The following RABGEF1 variants were observed in gnomAD, a reference collection of about 807,000 sequenced individuals.
The protein encoded by RABGEF1 is rab5 GDP/GTP exchange factor.
RABGEF1 carries 26 observed loss-of-function variants against 57.3 expected under a neutral mutation model. The observed-to-expected ratio is 0.45, with a 90% CI of 0.33 to 0.63. RABGEF1 has a LOEUF of 0.63. Among genes scored for constraint, RABGEF1 ranks in the 20% least tolerant of loss-of-function variants. RABGEF1 has a pLI of 0.02. For missense variants in RABGEF1, 464 were observed against 607.6 expected (o/e 0.76, Z 2.48); for synonymous variants, 185 against 210.7 (o/e 0.88, Z 1.06).
chr7:66,655,522 G>T, the RABGEF1 span, among the ~76,000 whole-genome samples: 3 of 152,146 alleles, frequency 2.0e-5, no homozygotes, highest in Non-Finnish European at 4.4e-5. Context: ...CCTAAACCTA[G>T]AACTGCTTTG....
chr7:66,707,085 C>T (rs773418350), intron 1 of RABGEF1, among the ~76,000 whole-genome samples: 5 of 152,064 alleles, frequency 3.3e-5, no homozygotes, highest in Non-Finnish European at 7.4e-5. Flanking sequence ...GCGCCCGGCC[C>T]GTACTGGTTA....
the RABGEF1 span, among the ~76,000 whole-genome samples, chr7:66,657,956 GAAAT>G: frequency 9.2e-5 from 14 of 152,058 alleles, no homozygotes; most frequent in Non-Finnish European, 1.9e-4. Context: ...GATTAGAGTG[GAAAT>G]AAATAAAGGA....
At chr7:66,686,470 T>G (rs1347698774) in intron 1 of RABGEF1, among the ~76,000 whole-genome samples, 1 of 152,132 alleles carries the variant, frequency 6.6e-6, no homozygotes, top group East Asian at 1.9e-4. Flanking sequence ...ATACCCTGTC[T>G]CCATAAAAAG....
chr7:66,798,205 G>A (rs962757149), intron 6 of RABGEF1, among the ~76,000 whole-genome samples: 1 of 152,166 alleles, frequency 6.6e-6, no homozygotes, highest in African/African-American at 2.4e-5. Flanking sequence ...ATCTTTCACT[G>A]GCATTGGATT....
At chr7:66,777,262 A>G (rs952874630) in intron 3 of RABGEF1, among the ~76,000 whole-genome samples, 1 of 152,200 alleles carries the variant, frequency 6.6e-6, no homozygotes. Context: ...GTATAAAATT[A>G]TCAGCTCCAA....
intron 2 of RABGEF1, among the ~76,000 whole-genome samples, chr7:66,735,259 C>T (rs1320381192): frequency 1.3e-5 from 2 of 152,142 alleles, no homozygotes; most frequent in African/African-American, 2.4e-5. Context: ...TATACATAAT[C>T]GCTCCTTTGT....
chr7:66,772,114 C>T lies in RABGEF1; in HGVS notation c.179+36C>T, dbSNP rs3735151. ...TTAACTAGGGGCGGTTGAACAGTGA[C>T]GTGACTGGATACATAGTTCTGTCAC... On this transcript the variant is annotated intron_variant, in intron 2 of 8. Coordinates refer to ENST00000284957, the MANE Select transcript of RABGEF1 (RefSeq NM_014504.3). 0.01 allele frequency: 14,366 copies of T among 1,394,716 alleles called. 437 individuals are homozygous for T. In the East Asian group the frequency reaches 0.11, roughly 10 times the overall value. 86.4% of individuals were successfully genotyped at this position (1,394,716 alleles called of 1,614,324 possible). A position where few individuals can be genotyped will look rare whatever the true frequency, so the allele number is the denominator to read the frequency against.
At chr7:66,691,073 A>G (rs1408462809) in intron 1 of RABGEF1, among the ~76,000 whole-genome samples, 1 of 152,200 alleles carries the variant, frequency 6.6e-6, no homozygotes, top group Non-Finnish European at 1.5e-5. Context: ...CCTGGACGAC[A>G]AAGCGAGCCT....
At chr7:66,775,118 T>C in intron 2 of RABGEF1, 109 bp from the exon 3 acceptor site, 1 of 1,215,778 alleles carries the variant, frequency 8.2e-7, no homozygotes, top group South Asian at 1.7e-5. Flanking sequence ...ATATTTAGTC[T>C]CTAGGTCTAA....
intron 1 of RABGEF1, among the ~76,000 whole-genome samples, chr7:66,702,368 T>C (rs1793420606): frequency 6.6e-6 from 1 of 151,702 alleles, no homozygotes; most frequent in Admixed American, 6.6e-5. Flanking sequence ...TGTGTGTGTG[T>C]GTGTGTGTGT....
chr7:66,784,643 A>G (rs1298418780), intron 4 of RABGEF1, among the ~76,000 whole-genome samples: 4 of 152,228 alleles, frequency 2.6e-5, no homozygotes, highest in African/African-American at 9.6e-5. Context: ...GTTTAGCTAT[A>G]TTCTAGCTGG....
chr7:66,730,198 G>A (rs938313565), intron 2 of RABGEF1, among the ~76,000 whole-genome samples: 2 of 152,172 alleles, frequency 1.3e-5, no homozygotes, highest in Admixed American at 6.5e-5. Flanking sequence ...CCTGTCCCCT[G>A]AGGGAGGACT....
At chr7:66,804,647 A>G (rs1054338653) in intron 7 of RABGEF1, among the ~76,000 whole-genome samples, 10 of 151,980 alleles carry the variant, frequency 6.6e-5, no homozygotes, top group African/African-American at 1.7e-4. Flanking sequence ...AGGCAAGAGA[A>G]TCGCTTGAAC....
intron 2 of RABGEF1, among the ~76,000 whole-genome samples, chr7:66,731,698 CAGAG>C (rs1424809539): frequency 6.6e-6 from 1 of 152,156 alleles, no homozygotes; most frequent in African/African-American, 2.4e-5. Flanking sequence ...GCCTGGGTGA[CAGAG>C]AGCGAGACCT....
At chr7:66,683,838 T>C (rs928520369) in intron 1 of RABGEF1, among the ~76,000 whole-genome samples, 1 of 152,042 alleles carries the variant, frequency 6.6e-6, no homozygotes, top group African/African-American at 2.4e-5. Context: ...CTGCCTGGGC[T>C]CAAGTGAACC....
At chr7:66,692,535 G>A (rs956748532) in intron 1 of RABGEF1, among the ~76,000 whole-genome samples, 5 of 152,108 alleles carry the variant, frequency 3.3e-5, no homozygotes, top group African/African-American at 1.2e-4. Context: ...TGTTCCTGCC[G>A]TCACCTCTCC....
At chr7:66,696,537 A>T (rs1289401612) in intron 1 of RABGEF1, among the ~76,000 whole-genome samples, 3 of 151,938 alleles carry the variant, frequency 2.0e-5, no homozygotes, top group Non-Finnish European at 2.9e-5. Flanking sequence ...TAAAAATACA[A>T]AAATTAGCCA....
chr7:66,690,100 CTTTT>C (rs892888858), intron 1 of RABGEF1, among the ~76,000 whole-genome samples: 9 of 124,198 alleles, frequency 7.2e-5, no homozygotes, highest in Non-Finnish European at 8.5e-5. Context: ...ATAAAAAATT[CTTTT>C]TTTTTTTTTT....
At chr7:66,779,762 T>C (rs929702029) in intron 3 of RABGEF1, among the ~76,000 whole-genome samples, 6 of 152,070 alleles carry the variant, frequency 3.9e-5, no homozygotes, top group African/African-American at 1.4e-4. Context: ...AATTATGAAC[T>C]GTAACGTGGA....
Sources: gnomAD v4.1 joint callset for allele counts (sites outside exome capture counted in the v4.1 genomes callset) on GRCh38, gnomAD v4.1.1 for gene constraint, MANE v1.5 for transcripts, NCBI Gene and HGNC (gene_info 2026-07-23, HGNC 2026-07-21) for gene names.